Variants in CPED1 observed in about 807,000 individuals in gnomAD.
CPED1 encodes the protein cadherin-like and PC-esterase domain-containing protein 1.
Under a neutral mutation model 128.2 loss-of-function variants are expected in CPED1, and 114 were observed. That is an observed-to-expected ratio of 0.89 (90% CI 0.76 to 1.04). CPED1 has a LOEUF of 1.04. Among genes scored for constraint, CPED1 ranks in the 50% least tolerant of loss-of-function variants. CPED1 has a pLI of 0.00. For missense variants in CPED1, 1,211 were observed against 1,207.1 expected, an observed-to-expected ratio of 1.00 and a Z score of -0.05; for synonymous variants, 462 against 426.7, an observed-to-expected ratio of 1.08 and a Z score of -1.02.
At position 121,295,229 on chromosome 7, in the gene CPED1, T is replaced by C. The variant is rs181394429; in HGVS notation, c.2869-211T>C. Among the ~76,000 whole-genome samples, 1,267 of 151,988 alleles carry C rather than the reference T, an allele frequency of 8.3e-3. 20 individuals are homozygous for C. Among genetic ancestry groups the C allele is most frequent in the African/African-American group, 0.028 (1,163 of 41,424 alleles). Reference sequence around the variant, plus strand: ...GTTCCTTAGTTGCATTGGAGACAGCTGCAATGAGGTAAGAAAAGTGACAAA... The same window carrying C: ...GTTCCTTAGTTGCATTGGAGACAGCCGCAATGAGGTAAGAAAAGTGACAAA... On this transcript the variant is annotated intron_variant, in intron 22 of 22. Transcript: ENST00000310396.
At chr7:121,148,428 A>T (rs1466430174) in intron 16 of CPED1, among the ~76,000 whole-genome samples, 3 of 152,194 alleles carry the variant, frequency 2.0e-5, no homozygotes, top group African/African-American at 4.8e-5. Flanking sequence ...AACCTTGAAC[A>T]TAGGTGATTT....
chr7:121,181,085 CTGTA>C (rs1333862269), intron 16 of CPED1, among the ~76,000 whole-genome samples: 1 of 152,028 alleles, frequency 6.6e-6, no homozygotes, highest in Non-Finnish European at 1.5e-5. Context: ...CTCAAGGAAA[CTGTA>C]TGAGATGAAG....
At chr7:121,108,296 G>C (rs1795027415) in intron 7 of CPED1, among the ~76,000 whole-genome samples, 1 of 152,064 alleles carries the variant, frequency 6.6e-6, no homozygotes, top group Admixed American at 6.6e-5. Context: ...GATTGCGAAT[G>C]ATGATAATTC....
chr7:121,025,305 C>G (rs1792548707), intron 3 of CPED1, among the ~76,000 whole-genome samples: 1 of 152,042 alleles, frequency 6.6e-6, no homozygotes, highest in Non-Finnish European at 1.5e-5. Flanking sequence ...TTCACCCCCA[C>G]CTATCTCCTA....
intron 5 of CPED1, among the ~76,000 whole-genome samples, chr7:121,073,512 T>G (rs962897083): frequency 3.9e-5 from 6 of 152,202 alleles, no homozygotes; most frequent in Non-Finnish European, 8.8e-5. Flanking sequence ...ACACCAGTCC[T>G]TCTTCTACAG....
rs1443727576 is a variant in CPED1 at position 121,015,686 on chromosome 7, C to T, written c.271C>T (p.His91Tyr). The part of the protein sequence containing the change: ...TRKVKESMET[H>Y]FGSHGRRAIL... The stretch of plus-strand genomic sequence containing the variant: ...TTAGGTCAAAGAATCAATGGAGACA[C>T]ACTTTGGCAGCCATGGCCGAAGGGC... Residue 91 changes from histidine to tyrosine, a missense_variant, in exon 3 of 23, where the codon CAC becomes TAC. Coordinates refer to ENST00000310396, the MANE Select transcript of CPED1 (RefSeq NM_024913.5). The T allele has an allele frequency of 2.5e-6, 4 of 1,601,136 alleles. No individual in the cohort carries two copies. Among genetic ancestry groups the T allele is most frequent in the East Asian group, 2.3e-5 (1 of 44,342 alleles).
At chr7:121,043,312 C>A (rs1398255091) in intron 3 of CPED1, among the ~76,000 whole-genome samples, 3 of 152,076 alleles carry the variant, frequency 2.0e-5, no homozygotes, top group Non-Finnish European at 4.4e-5. Flanking sequence ...AAGGAAGGAA[C>A]CCTAAGAGGC....
At chr7:121,228,813 ATTACT>A (rs773161174) in intron 16 of CPED1, among the ~76,000 whole-genome samples, 7 of 152,042 alleles carry the variant, frequency 4.6e-5, no homozygotes, top group Admixed American at 2.0e-4. Flanking sequence ...AAAAAATGAA[ATTACT>A]TTATTTGTAG....
Position 121,076,287 on chromosome 7 carries a change from G to A in CPED1, c.616+11974G>A, listed in dbSNP as rs148932372. ...CAAAAATATAATTCCCCACTCCTGC[G>A]AGACATAATTAACCATTTTAAATAA... On this transcript the variant is annotated intron_variant, in intron 5 of 22. Transcript: ENST00000310396. Among the ~76,000 whole-genome samples the A allele has an allele frequency of 8.5e-5, 13 of 152,240 alleles. No individual in the cohort carries two copies. In the East Asian group the frequency reaches 1.5e-3, roughly 18 times the overall value.
At chr7:121,243,493 A>G (rs1798449290) in intron 17 of CPED1, among the ~76,000 whole-genome samples, 1 of 152,192 alleles carries the variant, frequency 6.6e-6, no homozygotes, top group Admixed American at 6.5e-5. Flanking sequence ...AAAGCTTGGG[A>G]CCTACTTTCT....
At chr7:121,041,899 T>A (rs1793063934) in intron 3 of CPED1, among the ~76,000 whole-genome samples, 1 of 152,146 alleles carries the variant, frequency 6.6e-6, no homozygotes, top group African/African-American at 2.4e-5. Context: ...TTTTCATCTT[T>A]TCCAGAGATA....
intron 4 of CPED1, among the ~76,000 whole-genome samples, chr7:121,058,014 C>T (rs1165485160): frequency 6.6e-6 from 1 of 151,910 alleles, no homozygotes; most frequent in Admixed American, 6.6e-5. Flanking sequence ...GGTAAATCCA[C>T]CAAGACTCAG....
intron 22 of CPED1, among the ~76,000 whole-genome samples, chr7:121,288,218 ATTCT>A (rs1792624484): frequency 6.6e-6 from 1 of 152,188 alleles, no homozygotes; most frequent in African/African-American, 2.4e-5. Context: ...AATTGAACTA[ATTCT>A]TTATAGTATC....
At chr7:121,015,159 T>C (rs1256976180) in intron 2 of CPED1, among the ~76,000 whole-genome samples, 3 of 152,232 alleles carry the variant, frequency 2.0e-5, no homozygotes, top group African/African-American at 7.2e-5. Context: ...TACAGCCTAA[T>C]TGAGAGAAAC....
At chr7:121,100,819 C>G (rs1794831539) in intron 7 of CPED1, among the ~76,000 whole-genome samples, 1 of 152,030 alleles carries the variant, frequency 6.6e-6, no homozygotes, top group African/African-American at 2.4e-5. Context: ...AATGACTGAA[C>G]TTGATTTTTT....
chr7:121,218,549 C>T (rs532814177), intron 16 of CPED1, among the ~76,000 whole-genome samples: 1 of 152,126 alleles, frequency 6.6e-6, no homozygotes, highest in Admixed American at 6.6e-5. Context: ...CCTGGGCAAA[C>T]CTACTTACTG....
intron 5 of CPED1, among the ~76,000 whole-genome samples, chr7:121,086,448 TA>T: frequency 6.6e-6 from 1 of 152,268 alleles, no homozygotes; most frequent in Admixed American, 6.5e-5. Flanking sequence ...CATTTGTCGA[TA>T]AAAAGCCCTC....
At chr7:121,190,747 C>CT (rs945329923) in intron 16 of CPED1, among the ~76,000 whole-genome samples, 2 of 151,792 alleles carry the variant, frequency 1.3e-5, no homozygotes, top group Non-Finnish European at 2.9e-5. Flanking sequence ...AAATATATTC[C>CT]TTTTTTGACC....
At chr7:121,094,786 G>A (rs145518188) in intron 5 of CPED1, among the ~76,000 whole-genome samples, 1 of 152,280 alleles carries the variant, frequency 6.6e-6, no homozygotes, top group African/African-American at 2.4e-5. Context: ...CAGGCGCTCA[G>A]TATCTAGCCA....
Sources: allele counts gnomAD v4.1 joint callset (sites outside exome capture counted in the v4.1 genomes callset), GRCh38; gene constraint gnomAD v4.1.1; transcripts MANE v1.5; gene names NCBI Gene and HGNC (gene_info 2026-07-23, HGNC 2026-07-21).